Variants in IGFBP5 observed in about 807,000 individuals in gnomAD.
IGFBP5 encodes insulin like growth factor binding protein 5.
In IGFBP5, 12 loss-of-function variants were observed where a neutral mutation model predicts 28.0. The observed-to-expected ratio is 0.43, with a 90% confidence interval of 0.27 to 0.69. IGFBP5 has a LOEUF of 0.69. IGFBP5 is among the 30% of genes least tolerant of loss of function. IGFBP5 has a pLI of 0.20. For missense variants in IGFBP5, 344 were observed against 381.6 expected (o/e 0.90, Z 0.82); for synonymous variants, 152 against 150.2 (o/e 1.01, Z -0.09).
intron 3 of IGFBP5, among the ~76,000 whole-genome samples, chr2:216,677,761 A>T (rs1225041347): frequency 6.6e-6 from 1 of 152,190 alleles, no homozygotes; most frequent in Non-Finnish European, 1.5e-5. Context: ...ACATGAACTG[A>T]TTTCAGGTGG....
intron 1 of IGFBP5, among the ~76,000 whole-genome samples, chr2:216,680,681 G>C (rs1280500956): frequency 2.0e-5 from 3 of 152,194 alleles, no homozygotes; most frequent in Non-Finnish European, 4.4e-5. Context: ...AGCCTCCAAA[G>C]GTTCGCAGCG....
chr2:216,679,157 G>T lies in IGFBP5; in HGVS notation c.338-78C>A. 8.8e-7 allele frequency: 1 copy of T among 1,139,796 alleles called. No homozygotes were observed. Among genetic ancestry groups the T allele is most frequent in the Non-Finnish European group, 1.3e-6 (1 of 758,100 alleles). The allele number at this position is 1,139,796 out of a possible 1,614,324, so 70.6% of individuals were successfully genotyped here. On this transcript the variant is annotated intron_variant, in intron 1 of 3. Coordinates refer to ENST00000233813, the MANE Select transcript of IGFBP5 (RefSeq NM_000599.4). This position sits in a 1 kb window ranked among gnomAD's most constrained non-coding sequence, Gnocchi z 4.6. ...CCAGAGCCCAGGGCTGGGCAGTTTG[G>T]GGTGAGGGGAGTAATAAAGGCTGAA...
At chr2:216,691,370 A>C (rs1005491404) in intron 1 of IGFBP5, among the ~76,000 whole-genome samples, 1 of 152,176 alleles carries the variant, frequency 6.6e-6, no homozygotes, top group Admixed American at 6.5e-5. Flanking sequence ...CCCGGTATCT[A>C]TGCTGGGGAC....
chr2:216,678,100 C>A lies in IGFBP5; in HGVS notation c.687+12G>T, dbSNP rs571719060. ...AGCAGTCTGAGCCTGGAGCTCAGGG[C>A]AGGGGACGTACCTGCTTTCTCTTGT... is the stretch of plus-strand genomic sequence containing the variant. On this transcript the variant is annotated intron_variant, in intron 3 of 3. Coordinates refer to ENST00000233813, the MANE Select transcript of IGFBP5 (RefSeq NM_000599.4). 10 of 1,482,484 alleles carry A rather than the reference C, an allele frequency of 6.7e-6. No homozygotes were observed. In the South Asian group the frequency reaches 1.4e-4, roughly 21 times the overall value. The allele number at this position is 1,482,484 out of a possible 1,614,324, so 91.8% of individuals were successfully genotyped here.
intron 2 of IGFBP5, 99 bp downstream of exon 2, chr2:216,678,751 G>T: frequency 2.0e-6 from 2 of 985,920 alleles, no homozygotes; most frequent in Non-Finnish European, 1.5e-6. Context: ...TAGGTCCTCT[G>T]CTGGGTCTAG....
Position 216,677,661 on chromosome 2 carries a change from G to GGA in IGFBP5, c.687+450_687+451insTC, listed in dbSNP as rs754379253. The stretch of plus-strand genomic sequence containing the variant: ...TCTACCAATCAGAAACTGCAGGGGT[G>GGA]GGGCCCAGCCATCAGCCATGCCCTC... On this transcript the variant is annotated intron_variant, in intron 3 of 3. Coordinates refer to ENST00000233813, the MANE Select transcript of IGFBP5 (RefSeq NM_000599.4). Among the ~76,000 whole-genome samples, 35 of 152,172 alleles carry GGA rather than the reference G, an allele frequency of 2.3e-4. 1 individual carries two copies. Among genetic ancestry groups the GGA allele is most frequent in the Non-Finnish European group, 2.9e-4 (20 of 68,022 alleles).
At chr2:216,693,763 T>C (rs1689131455) in intron 1 of IGFBP5, among the ~76,000 whole-genome samples, 1 of 151,990 alleles carries the variant, frequency 6.6e-6, no homozygotes, top group African/African-American at 2.4e-5. Context: ...CAGTTAAATA[T>C]GTTTTACCAT....
rs982785118 is a variant in IGFBP5, at chr2:216,676,624, A to G, written c.*127T>C. On this transcript the variant is annotated 3_prime_UTR_variant, in exon 4 of 4. Transcript: ENST00000233813. ...GATTCCGAGGTCCTCAGTTTCCTCA[A>G]ATAGATAGATATATATTTTTCCCTT... The G allele has an allele frequency of 3.0e-5, 18 of 608,464 alleles. No individual in the cohort carries two copies. Among genetic ancestry groups the G allele is most frequent in the Non-Finnish European group, 4.5e-5 (16 of 353,774 alleles). 37.7% of individuals were successfully genotyped at this position (608,464 alleles called of 1,614,324 possible).
intron 3 of IGFBP5, 84 bp from the exon 4 acceptor site, chr2:216,676,966 A>G (rs1688908378): frequency 2.7e-6 from 4 of 1,477,132 alleles, no homozygotes; most frequent in Middle Eastern, 3.7e-4. Flanking sequence ...GTCTACCCCA[A>G]GGCAAGACTC....
At chr2:216,686,799 T>A (rs1021371070) in intron 1 of IGFBP5, among the ~76,000 whole-genome samples, 3 of 151,430 alleles carry the variant, frequency 2.0e-5, no homozygotes, top group Admixed American at 6.6e-5. Flanking sequence ...CTTGAGTAGC[T>A]GGGACTAAAG....
At chr2:216,677,402 G>C (rs139653979) in intron 3 of IGFBP5, among the ~76,000 whole-genome samples, 1 of 152,280 alleles carries the variant, frequency 6.6e-6, no homozygotes, top group East Asian at 1.9e-4. Context: ...CTCAACGTTT[G>C]GTAGGCAGTA....
rs79978116 is a variant in IGFBP5, at chr2:216,672,420, G to A, written c.*4331C>T. ...ATCATCGTTTATTTTTGTTTTTAAA[G>A]TTGAAAACAAAAAAGAGGAGAGAAC... On this transcript the variant is annotated 3_prime_UTR_variant, in exon 4 of 4. Transcript: ENST00000233813. The A allele has an allele frequency of 4.3e-4, 60 of 139,796 alleles. 2 individuals carry two copies. The East Asian group carries it at 0.012, about 28-fold the overall frequency. 8.7% of individuals were successfully genotyped at this position (139,796 alleles called of 1,614,324 possible).
At chr2:216,688,129 T>C (rs1017944213) in intron 1 of IGFBP5, among the ~76,000 whole-genome samples, 1 of 152,184 alleles carries the variant, frequency 6.6e-6, no homozygotes, top group African/African-American at 2.4e-5. Context: ...ATTTAATATT[T>C]ATTTAATTTT....
rs56040272 is a variant in IGFBP5, at chr2:216,691,836, C to CGTGTGTGTGT, written c.337+2593_337+2602dup. Reference sequence around the variant, plus strand: ...ATATAATTATATAGATATAATATGTCGTGTGTGTGTGTGTGTGTGTGTGTG... The same window carrying CGTGTGTGTGT: ...ATATAATTATATAGATATAATATGTCGTGTGTGTGTGTGTGTGTGTGTGTGTGTGTGTGTG... On this transcript the variant is annotated intron_variant, in intron 1 of 3. Transcript: ENST00000233813. Among the ~76,000 whole-genome samples, 1,184 of 121,210 alleles carry CGTGTGTGTGT rather than the reference C, an allele frequency of 9.8e-3. 7 individuals are homozygous for CGTGTGTGTGT. The highest frequency in any genetic ancestry group is 0.013 in the Non-Finnish European group (779 of 59,188). The allele number at this position is 121,210 out of a possible 152,430, so 79.5% of individuals were successfully genotyped here. A position where few individuals can be genotyped will look rare whatever the true frequency, so the allele number is the denominator to read the frequency against.
chr2:216,676,998 C>T (rs1389242569), intron 3 of IGFBP5, 116 bp from the exon 4 acceptor site: 3 of 1,143,264 alleles, frequency 2.6e-6, no homozygotes, highest in Non-Finnish European at 3.7e-6. Context: ...GAGTTGAGGG[C>T]ACTAGACCCG....
intron 1 of IGFBP5, among the ~76,000 whole-genome samples, chr2:216,689,142 C>T: frequency 6.6e-6 from 1 of 152,202 alleles, no homozygotes; most frequent in East Asian, 1.9e-4. Context: ...TCTGTTGGCA[C>T]CACGTGAGGA....
At chr2:216,685,827 T>A (rs1165904873) in intron 1 of IGFBP5, among the ~76,000 whole-genome samples, 1 of 152,188 alleles carries the variant, frequency 6.6e-6, no homozygotes, top group African/African-American at 2.4e-5. Context: ...CCATCCCATC[T>A]CTGACCAGCA....
chr2:216,676,755 TCAA>T lies in IGFBP5; in HGVS notation c.812_814del (p.Val271del). 6.2e-7 allele frequency: 1 copy of T among 1,612,796 alleles called. No homozygotes were observed. Among genetic ancestry groups the T allele is most frequent in the Middle Eastern group, 1.7e-4 (1 of 6,038 alleles). ...GAAAGGTTGGGGGGGGACGCATCACTCAACGTTGCTGCTGTCGAAGGTGTGGCA... is the reference window on the plus strand; with the variant it reads ...GAAAGGTTGGGGGGGGACGCATCACTCGTTGCTGCTGTCGAAGGTGTGGCA... On this transcript the variant is annotated inframe_deletion, in exon 4 of 4. Transcript: ENST00000233813.
chr2:216,682,060 T>C (rs1384733169), intron 1 of IGFBP5, among the ~76,000 whole-genome samples: 1 of 152,232 alleles, frequency 6.6e-6, no homozygotes, highest in African/African-American at 2.4e-5. Context: ...AAAATGCTTT[T>C]GCAAACTCTC....
Sources: allele counts gnomAD v4.1 joint callset (sites outside exome capture counted in the v4.1 genomes callset), GRCh38; gene constraint gnomAD v4.1.1; non-coding constraint Gnocchi (gnomAD v3.1); transcripts MANE v1.5; gene names NCBI Gene and HGNC (gene_info 2026-07-23, HGNC 2026-07-21).